Variants in PRKAG3 observed in about 807,000 individuals in gnomAD.
The protein encoded by PRKAG3 is protein kinase AMP-activated non-catalytic subunit gamma 3.
PRKAG3 carries 39 observed loss-of-function variants against 56.5 expected under a neutral mutation model. The ratio of observed to expected loss-of-function variants is 0.69; its 90% confidence interval spans 0.53 to 0.90. The LOEUF is 0.90. Among genes scored for constraint, PRKAG3 ranks in the 40% least tolerant of loss-of-function variants. PRKAG3 has a pLI of 0.00. For synonymous variants in PRKAG3, 243 were observed against 250.1 expected (o/e 0.97, Z 0.27); for missense variants, 628 against 627.5 (o/e 1.00, Z -0.01).
At chr2:218,830,876 G>C in exon 3 of PRKAG3, 1 of 1,613,834 alleles carries the variant, frequency 6.2e-7, no homozygotes. Context: ...ATGAGCTGCT[G>C]TTTTCTTGCT....
intron 4 of PRKAG3, among the ~76,000 whole-genome samples, chr2:218,829,477 C>T (rs781485309): frequency 2.4e-4 from 36 of 151,750 alleles, no homozygotes; most frequent in Admixed American, 4.6e-4. Flanking sequence ...CCCACCACCA[C>T]GGCCGGCTAA....
downstream of PRKAG3, chr2:218,822,787 G>T: frequency 1.4e-6 from 1 of 735,408 alleles, no homozygotes; most frequent in Non-Finnish European, 1.7e-6. Context: ...GGGAACAACA[G>T]CTGGGACTCC....
intron 12 of PRKAG3, 103 bp from the exon 13 acceptor site, chr2:218,823,981 G>C: frequency 7.7e-7 from 1 of 1,295,160 alleles, no homozygotes. Flanking sequence ...ATGACTGAGG[G>C]AGAGAGCGTC....
exon 6 of PRKAG3, chr2:218,828,022 G>T (rs1349444138): frequency 1.3e-6 from 2 of 1,570,146 alleles, no homozygotes. Context: ...ACCTGTAGTA[G>T]CGATGCAGCA....
intron 11 of PRKAG3, 52 bp downstream of exon 11, chr2:218,824,487 T>C: frequency 7.0e-7 from 1 of 1,437,032 alleles, no homozygotes. Context: ...CCCCCACCCA[T>C]CCCCACACCC....
exon 3 of PRKAG3, chr2:218,830,797 A>G (rs781749611): frequency 8.1e-6 from 13 of 1,613,006 alleles, no homozygotes; most frequent in African/African-American, 1.3e-5. Context: ...TGCCTTGTCC[A>G]TCTCAAGGCT....
chr2:218,830,384 G>T lies in PRKAG3; in HGVS notation c.230-3C>A, dbSNP rs1944003138. ...AGCAGCTGGCCTGGACCGGGGACCT[G>T]TTTGGGGGAGGAGGGGAAGAGGACA... is the stretch of plus-strand genomic sequence containing the variant. On this transcript the variant is annotated splice_polypyrimidine_tract_variant and splice_region_variant and intron_variant, in intron 3 of 12. Coordinates refer to ENST00000529249, the Ensembl canonical transcript of PRKAG3. 1.9e-6 allele frequency: 3 copies of T among 1,605,584 alleles called. No individual in the cohort carries two copies. Among genetic ancestry groups the T allele is most frequent in the Non-Finnish European group, 2.6e-6 (3 of 1,174,392 alleles).
In PRKAG3 at chr2:218,827,550, C is replaced by G. The variant is rs375658953; in HGVS notation, c.875+25G>C. On this transcript the variant is annotated intron_variant, in intron 8 of 12. Coordinates refer to ENST00000529249, the Ensembl canonical transcript of PRKAG3. This position sits in a 1 kb window ranked among gnomAD's most constrained non-coding sequence, Gnocchi z 5.3. Reference sequence around the variant, plus strand: ...AAGGGGACTGTGGGAGGAGGAGGCTCAGGTGAATGAGCAGAGACACCCACC... The same window carrying G: ...AAGGGGACTGTGGGAGGAGGAGGCTGAGGTGAATGAGCAGAGACACCCACC... The G allele has an allele frequency of 8.1e-4, 1,299 of 1,611,190 alleles. 1 individual carries two copies. The highest frequency in any genetic ancestry group is 1.0e-3 in the Non-Finnish European group (1,220 of 1,177,582).
At position 218,827,139 on chromosome 2, in the gene PRKAG3, C is replaced by T; in HGVS notation, c.1003-46G>A. 1 of 1,612,754 alleles carries T rather than the reference C, an allele frequency of 6.2e-7. No individual in the cohort carries two copies. The highest frequency in any genetic ancestry group is 1.1e-5 in the South Asian group (1 of 90,996). On this transcript the variant is annotated intron_variant, in intron 9 of 12. Transcript: ENST00000529249. This position sits in a 1 kb window ranked among gnomAD's most constrained non-coding sequence, Gnocchi z 5.3. ...GTGGAGATCAGGGATCCAGCAGCTT[C>T]AAGAGGGCTCCCAGCTCTTCCCCAC...
intron 3 of PRKAG3, 123 bp from the exon 4 acceptor site, chr2:218,830,504 T>C: frequency 7.5e-7 from 1 of 1,336,628 alleles, no homozygotes. Flanking sequence ...TATTTGCAGG[T>C]GAGGGGCTGA....
exon 1 of PRKAG3, chr2:218,831,776 C>T (rs575263970): frequency 1.2e-5 from 20 of 1,609,586 alleles, no homozygotes; most frequent in African/African-American, 2.7e-5. Context: ...TCCATGTGGC[C>T]AGCCCCAGAC....
At chr2:218,824,475 G>A in intron 11 of PRKAG3, 64 bp downstream of exon 11, 1 of 1,605,084 alleles carries the variant, frequency 6.2e-7, no homozygotes, top group Non-Finnish European at 8.5e-7. Context: ...GTCCACAGAG[G>A]CCCCCCACCC....
intron 4 of PRKAG3, among the ~76,000 whole-genome samples, chr2:218,829,706 G>A (rs2105989113): frequency 1.3e-5 from 2 of 152,278 alleles, no homozygotes; most frequent in South Asian, 4.1e-4. Context: ...GGGTGCAGCA[G>A]GCATTTCGAT....
chr2:218,830,389 G>T lies in PRKAG3; in HGVS notation c.230-8C>A. On this transcript the variant is annotated splice_polypyrimidine_tract_variant and splice_region_variant and intron_variant, in intron 3 of 12. Coordinates refer to ENST00000529249, the Ensembl canonical transcript of PRKAG3. ...CTGGCCTGGACCGGGGACCTGTTTGGGGGAGGAGGGGAAGAGGACAGTAAC... is the reference window on the plus strand; with the variant it reads ...CTGGCCTGGACCGGGGACCTGTTTGTGGGAGGAGGGGAAGAGGACAGTAAC... 6.2e-7 allele frequency: 1 copy of T among 1,604,606 alleles called. No individual in the cohort carries two copies.
exon 4 of PRKAG3, chr2:218,830,283 G>C (rs761073150): frequency 6.2e-7 from 1 of 1,613,608 alleles, no homozygotes; most frequent in Non-Finnish European, 8.5e-7. Flanking sequence ...CCTGTTGGTG[G>C]AGTGCCCACC....
At chr2:218,831,778 GC>G in exon 1 of PRKAG3, 1 of 1,609,356 alleles carries the variant, frequency 6.2e-7, no homozygotes, top group South Asian at 1.1e-5. Flanking sequence ...CATGTGGCCA[GC>G]CCCAGACCAA....
chr2:218,824,664 C>A (rs1230422127), intron 10 of PRKAG3, 88 bp from the exon 11 acceptor site: 2 of 1,200,886 alleles, frequency 1.7e-6, no homozygotes, highest in African/African-American at 3.0e-5. Flanking sequence ...GGGCCTAGGG[C>A]TATTTGCATC....
At chr2:218,830,662 C>A (rs1157877474) in intron 3 of PRKAG3, 84 bp downstream of exon 3, 1 of 1,496,980 alleles carries the variant, frequency 6.7e-7, no homozygotes, top group Non-Finnish European at 9.1e-7. Flanking sequence ...TATGGAGGGA[C>A]CTGAGGTAGA....
chr2:218,823,843 A>T, exon 13 of PRKAG3: 3 of 1,614,078 alleles, frequency 1.9e-6, no homozygotes, highest in Non-Finnish European at 2.5e-6. Context: ...CGCCCAAGAG[A>T]TGCTGGGTCT....
Sources: gnomAD v4.1 joint callset for allele counts (sites outside exome capture counted in the v4.1 genomes callset) on GRCh38, gnomAD v4.1.1 for gene constraint, Gnocchi (gnomAD v3.1) non-coding constraint, MANE v1.5 for transcripts, NCBI Gene and HGNC (gene_info 2026-07-23, HGNC 2026-07-21) for gene names.